Variants in MARF1 observed in about 807,000 individuals in gnomAD.
The protein encoded by MARF1 is meiosis regulator and mRNA stability factor 1.
MARF1 carries 24 observed loss-of-function variants against 168.2 expected under a neutral mutation model. The ratio of observed to expected loss-of-function variants is 0.14; its 90% CI spans 0.10 to 0.20. MARF1 has a LOEUF of 0.20. MARF1 is among the 10% of genes least tolerant of loss of function. The pLI, the probability that MARF1 is intolerant of heterozygous loss-of-function variation, is 1.00. For synonymous variants in MARF1, 868 were observed against 822.4 expected, an observed-to-expected ratio of 1.06 and a Z score of -0.95; for missense variants, 1,744 against 2,143.6, an observed-to-expected ratio of 0.81 and a Z score of 3.68.
intron 4 of MARF1, 47 bp from the exon 5 acceptor site, chr16:15,633,890 G>A: frequency 7.0e-7 from 1 of 1,435,466 alleles, no homozygotes; most frequent in Non-Finnish European, 9.6e-7. Flanking sequence ...GAAAATAAAT[G>A]GCAAGTTACA....
intron 1 of MARF1, among the ~76,000 whole-genome samples, chr16:15,641,429 G>A (rs1194334878): frequency 6.6e-6 from 1 of 152,194 alleles, no homozygotes; most frequent in Admixed American, 6.5e-5. Context: ...GATATTCACA[G>A]TGTTCATAAC....
At position 15,594,418 on chromosome 16, in the gene MARF1, T is replaced by G. The variant is rs2031490397; in HGVS notation, c.*2275A>C. The G allele has an allele frequency of 6.6e-6, 1 of 152,622 alleles. No homozygotes were observed. Among genetic ancestry groups the G allele is most frequent in the Non-Finnish European group, 1.5e-5 (1 of 68,030 alleles). 9.5% of individuals were successfully genotyped at this position (152,622 alleles called of 1,614,324 possible). The stretch of plus-strand genomic sequence containing the variant: ...CTCGCTTGTAAAGTTTATTGACAAC[T>G]GTTTGGTCCCAACACACAAAACAGC... On this transcript the variant is annotated 3_prime_UTR_variant, in exon 27 of 27. Transcript: ENST00000396368.
chr16:15,602,359 G>C, intron 22 of MARF1, 156 bp from the exon 23 acceptor site: 1 of 639,158 alleles, frequency 1.6e-6, no homozygotes, highest in Non-Finnish European at 2.7e-6. Context: ...GATGAAGAAG[G>C]AGACAAAGAT....
intron 17 of MARF1, 48 bp downstream of exon 17, chr16:15,612,509 G>T: frequency 6.7e-7 from 1 of 1,499,810 alleles, no homozygotes; most frequent in Non-Finnish European, 9.3e-7. Flanking sequence ...CCAAAGCCAT[G>T]GAGGAACATT....
At chr16:15,640,276 A>T (rs2035862315) in intron 1 of MARF1, among the ~76,000 whole-genome samples, 2 of 152,252 alleles carry the variant, frequency 1.3e-5, no homozygotes, top group South Asian at 4.1e-4. Context: ...TACAGAACAA[A>T]TTGAACCAAT....
chr16:15,635,227 A>G, intron 3 of MARF1: 1 of 422,886 alleles, frequency 2.4e-6, no homozygotes, highest in African/African-American at 2.0e-5. Context: ...AAAGGGTAGC[A>G]AAGTCTCACT....
chr16:15,632,342 G>A (rs1460000536), intron 5 of MARF1, among the ~76,000 whole-genome samples: 1 of 152,188 alleles, frequency 6.6e-6, no homozygotes, highest in East Asian at 1.9e-4. Flanking sequence ...ATGCAAGCTT[G>A]TGCAATCTGC....
chr16:15,608,194 G>A lies in MARF1; in HGVS notation c.4182+97C>T. On this transcript the variant is annotated intron_variant, in intron 21 of 26. Transcript: ENST00000396368. ...TTAAGTAGTTCAAGGTGTAAATAAAGAAACGCTACAGCACACGCAAACGTC... is the reference window on the plus strand; with the variant it reads ...TTAAGTAGTTCAAGGTGTAAATAAAAAAACGCTACAGCACACGCAAACGTC... 5 of 740,462 alleles carry A rather than the reference G, an allele frequency of 6.8e-6. No individual in the cohort carries two copies. In the South Asian group the frequency reaches 9.4e-5, roughly 14 times the overall value. The allele number at this position is 740,462 out of a possible 1,614,324, so 45.9% of individuals were successfully genotyped here. A position where few individuals can be genotyped will look rare whatever the true frequency, so the allele number is the denominator to read the frequency against.
At position 15,636,061 on chromosome 16, in the gene MARF1, C is replaced by A. The variant is rs376311813; in HGVS notation, c.426G>T (p.Arg142Ser). The change falls in exon 3 of 27, where the codon AGG becomes AGT. Residue 142 changes from arginine to serine, a missense_variant. This residue lies in a region of MARF1 where 318 missense variants were observed against 336.6 expected (regional missense o/e 0.94). Coordinates refer to ENST00000396368, the MANE Select transcript of MARF1 (RefSeq NM_014647.4). Reference protein sequence around the residue: ...PGALLDSQSTRTITCQVGSGF... With the variant: ...PGALLDSQSTSTITCQVGSGF... ...CTGACCCTACCTGACACGTGATTGT[C>A]CTGGTGCTTTGCGAGTCTAACAGTG... is the stretch of plus-strand genomic sequence containing the variant. 1 of 1,614,228 alleles carries A rather than the reference C, an allele frequency of 6.2e-7. No individual in the cohort carries two copies. Among genetic ancestry groups the A allele is most frequent in the Non-Finnish European group, 8.5e-7 (1 of 1,180,046 alleles).
chr16:15,612,634 C>A lies in MARF1; in HGVS notation c.3397G>T (p.Ala1133Ser). ...HFIPSYHHHFAKQCRVSDYGY... is the reference protein window; with the variant it reads ...HFIPSYHHHFSKQCRVSDYGY... ...TAGTCTGACACTCGGCACTGCTTTGCAAAATGATGGTGATAGGATGGGATG... is the reference window on the plus strand; with the variant it reads ...TAGTCTGACACTCGGCACTGCTTTGAAAAATGATGGTGATAGGATGGGATG... The change falls in exon 17 of 27, where the codon GCA (alanine) becomes TCA (serine). Residue 1133 changes from alanine to serine, a missense_variant. Coordinates refer to ENST00000396368, the MANE Select transcript of MARF1 (RefSeq NM_014647.4). The A allele has an allele frequency of 1.2e-6, 2 of 1,614,112 alleles. No individual in the cohort carries two copies. The highest frequency in any genetic ancestry group is 1.7e-6 in the Non-Finnish European group (2 of 1,180,024).
chr16:15,603,113 T>C (rs1298822591), intron 22 of MARF1, among the ~76,000 whole-genome samples: 1 of 152,236 alleles, frequency 6.6e-6, no homozygotes, highest in African/African-American at 2.4e-5. Context: ...AGGATAGATA[T>C]TAACAGAGTT....
chr16:15,623,044 G>C lies in MARF1; in HGVS notation c.2350C>G (p.Pro784Ala), dbSNP rs2034575788. ...TCAGCACCATTTGCAAATGGGTCTG[G>C]GCAGTCGGCTTCGCTGCTCGAATTT... ...IANSSSEADCPDPFANGADVQ... is the reference protein window; with the variant it reads ...IANSSSEADCADPFANGADVQ... Residue 784 changes from proline to alanine, a missense_variant, in exon 11 of 27, where the codon CCA becomes GCA. Transcript: ENST00000396368. The C allele has an allele frequency of 7.4e-6, 12 of 1,611,486 alleles. No individual in the cohort carries two copies. Among genetic ancestry groups the C allele is most frequent in the African/African-American group, 2.7e-5 (2 of 75,004 alleles).
chr16:15,631,611 T>G, intron 5 of MARF1, 113 bp from the exon 6 acceptor site: 1 of 615,400 alleles, frequency 1.6e-6, no homozygotes. Context: ...AGTTCTGGGG[T>G]ACATGTGCAG....
rs920298200 is a variant in MARF1 at position 15,635,873 on chromosome 16, T to C, written c.614A>G (p.Asn205Ser). ...CGGAAACTGATGCAGCTTGTGCACA[T>C]TACCATGACATGACTGGAAGTGGAG... ...GKLHFQSCHGNVHKLHQFPSL... is the reference protein window; with the variant it reads ...GKLHFQSCHGSVHKLHQFPSL... The change falls in exon 3 of 27, where the codon AAT becomes AGT. Residue 205 changes from asparagine to serine, a missense_variant. Around this residue, in one of 7 missense-constraint regions of MARF1, gnomAD observed 318 missense variants for 336.6 expected, o/e 0.94. Transcript: ENST00000396368. The C allele has an allele frequency of 6.2e-7, 1 of 1,614,174 alleles. No homozygotes were observed. The highest frequency in any genetic ancestry group is 8.5e-7 in the Non-Finnish European group (1 of 1,180,026).
chr16:15,601,307 A>G, intron 23 of MARF1: 1 of 351,668 alleles, frequency 2.8e-6, no homozygotes, highest in Non-Finnish European at 5.6e-6. Flanking sequence ...TCCATCTAAC[A>G]CTGACCCAGA....
In MARF1 at chr16:15,598,841, T is replaced by C; in HGVS notation, c.4984+13A>G. The C allele has an allele frequency of 6.2e-7, 1 of 1,613,396 alleles. No individual in the cohort carries two copies. Among genetic ancestry groups the C allele is most frequent in the Non-Finnish European group, 8.5e-7 (1 of 1,179,420 alleles). On this transcript the variant is annotated intron_variant, in intron 26 of 26. Transcript: ENST00000396368. ...CCCGAAGAAAATCCCCATGACAACATGGAGTCACCCACCAGAAGGCTCTTG... is the reference window on the plus strand; with the variant it reads ...CCCGAAGAAAATCCCCATGACAACACGGAGTCACCCACCAGAAGGCTCTTG...
In MARF1 at chr16:15,624,757, A is replaced by C. The variant is rs1256274436; in HGVS notation, c.2270+12T>G. ...ATGTAACCACCCCCATGGGTCAAGA[A>C]GCTGGACTCACCTAGAAGACCAAGA... On this transcript the variant is annotated intron_variant, in intron 10 of 26. Coordinates refer to ENST00000396368, the MANE Select transcript of MARF1 (RefSeq NM_014647.4). 4 of 1,612,384 alleles carry C rather than the reference A, an allele frequency of 2.5e-6. No individual in the cohort carries two copies. In the East Asian group the frequency reaches 6.7e-5, roughly 27 times the overall value.
intron 21 of MARF1, 54 bp from the exon 22 acceptor site, chr16:15,604,452 T>TATAACC: frequency 8.0e-7 from 1 of 1,252,464 alleles, no homozygotes; most frequent in Non-Finnish European, 1.2e-6. Context: ...CACCCTAGGT[T>TATAACC]ATACCCAACT....
At chr16:15,603,060 G>C (rs2032664445) in intron 22 of MARF1, among the ~76,000 whole-genome samples, 1 of 152,214 alleles carries the variant, frequency 6.6e-6, no homozygotes, top group Non-Finnish European at 1.5e-5. Flanking sequence ...AAAGTCCTTT[G>C]TCCTGAAATA....
Sources: gnomAD v4.1 joint callset for allele counts (sites outside exome capture counted in the v4.1 genomes callset) on GRCh38, gnomAD v4.1.1 for gene constraint, gnomAD v4.1.1 regional missense constraint, MANE v1.5 for transcripts, NCBI Gene and HGNC (gene_info 2026-07-23, HGNC 2026-07-21) for gene names.